LOC128462377: variants seen among roughly 807,000 people sequenced by gnomAD.
the LOC128462377 span, among the ~76,000 whole-genome samples, chr16:89,404,984 A>G: frequency 6.6e-6 from 1 of 152,206 alleles, no homozygotes; most frequent in East Asian, 1.9e-4. Context: ...TAAAACTGAA[A>G]TCAGACTTCC....
the LOC128462377 span, among the ~76,000 whole-genome samples, chr16:89,355,374 G>T: frequency 6.6e-6 from 1 of 152,178 alleles, no homozygotes; most frequent in South Asian, 2.1e-4. Context: ...GAGGACGATG[G>T]CAGAACAGAA....
At chr16:89,384,598 A>G in the LOC128462377 span, among the ~76,000 whole-genome samples, 3,140 of 152,166 alleles carry the variant, frequency 0.021, 123 homozygotes, top group African/African-American at 0.072. Flanking sequence ...GGCAGGACAG[A>G]GCAGGGCAGC....
chr16:89,329,552 G>T, the LOC128462377 span, among the ~76,000 whole-genome samples: 1 of 152,110 alleles, frequency 6.6e-6, no homozygotes, highest in Non-Finnish European at 1.5e-5. Flanking sequence ...TATGTCAATT[G>T]TAATTCAATA....
the LOC128462377 span, among the ~76,000 whole-genome samples, chr16:89,331,827 TG>T: frequency 1.3e-5 from 2 of 152,316 alleles, no homozygotes; most frequent in South Asian, 4.1e-4. Context: ...GATACGGTGA[TG>T]GTTTTGAATG....
At chr16:89,390,809 G>C in the LOC128462377 span, among the ~76,000 whole-genome samples, 4 of 152,182 alleles carry the variant, frequency 2.6e-5, no homozygotes, top group Non-Finnish European at 5.9e-5. Context: ...GGTTCCTGGA[G>C]CTCTGCGCTG....
At chr16:89,407,874 G>C in the LOC128462377 span, among the ~76,000 whole-genome samples, 1 of 138,520 alleles carries the variant, frequency 7.2e-6, no homozygotes, top group East Asian at 2.1e-4. Context: ...AAAAAAAAAA[G>C]AAGAAGAAGA....
the LOC128462377 span, among the ~76,000 whole-genome samples, chr16:89,397,333 C>G: frequency 6.6e-6 from 1 of 152,234 alleles, no homozygotes; most frequent in Non-Finnish European, 1.5e-5. Context: ...ACGGATTCCA[C>G]CGTAAGTGCT....
the LOC128462377 span, among the ~76,000 whole-genome samples, chr16:89,338,757 G>C: frequency 6.8e-6 from 1 of 147,508 alleles, no homozygotes; most frequent in Admixed American, 6.8e-5. Flanking sequence ...AAAAGAGCGA[G>C]CTTTTGTAGA....
At chr16:89,323,404 CAGGGCAGGGGGGCTGAGCCG>C in the LOC128462377 span, 465 of 1,209,994 alleles carry the variant, frequency 3.8e-4, 3 homozygotes, top group African/African-American at 4.7e-3. Flanking sequence ...GCAAGCAGCC[CAGGGCAGGGGGGCTGAGCCG>C]AGGGCAGGGG....
the LOC128462377 span, among the ~76,000 whole-genome samples, chr16:89,338,865 C>A: frequency 6.6e-6 from 1 of 151,870 alleles, no homozygotes; most frequent in Non-Finnish European, 1.5e-5. Flanking sequence ...AAAGGTTTGC[C>A]AAATGAATAC....
At chr16:89,334,991 G>A in the LOC128462377 span, among the ~76,000 whole-genome samples, 18 of 152,090 alleles carry the variant, frequency 1.2e-4, no homozygotes, top group Admixed American at 1.1e-3. Flanking sequence ...GATCCCACAG[G>A]TACATGTGAC....
At chr16:89,377,146 G>A in the LOC128462377 span, among the ~76,000 whole-genome samples, 2 of 152,294 alleles carry the variant, frequency 1.3e-5, no homozygotes, top group African/African-American at 4.8e-5. Context: ...TTCAACAGCA[G>A]AGGCGTCAAC....
chr16:89,399,566 G>C, the LOC128462377 span, among the ~76,000 whole-genome samples: 1 of 152,154 alleles, frequency 6.6e-6, no homozygotes, highest in African/African-American at 2.4e-5. Flanking sequence ...AAACTACTCT[G>C]TATGATACCA....
the LOC128462377 span, among the ~76,000 whole-genome samples, chr16:89,354,184 C>A: frequency 6.7e-6 from 1 of 150,188 alleles, no homozygotes; most frequent in Non-Finnish European, 1.5e-5. Flanking sequence ...CCATTCAAAT[C>A]TTCCAAGGCA....
At chr16:89,386,507 G>A in the LOC128462377 span, among the ~76,000 whole-genome samples, 2 of 152,320 alleles carry the variant, frequency 1.3e-5, no homozygotes, top group East Asian at 3.9e-4. Flanking sequence ...CAGCATGAGG[G>A]TGTGGGGGAA....
chr16:89,395,107 G>A, the LOC128462377 span, among the ~76,000 whole-genome samples: 1 of 152,238 alleles, frequency 6.6e-6, no homozygotes, highest in African/African-American at 2.4e-5. Context: ...CTGAAGCACA[G>A]GACAAGATGA....
chr16:89,411,362 G>T, the LOC128462377 span, among the ~76,000 whole-genome samples: 1 of 152,262 alleles, frequency 6.6e-6, no homozygotes, highest in Non-Finnish European at 1.5e-5. Flanking sequence ...AAGAGGAGCA[G>T]GCTGCCCTGG....
chr16:89,401,795 C>T, the LOC128462377 span, among the ~76,000 whole-genome samples: 1 of 152,304 alleles, frequency 6.6e-6, no homozygotes, highest in South Asian at 2.1e-4. Flanking sequence ...GCAGGGAGAA[C>T]GCTGGGTGAA....
chr16:89,368,663 T>C, the LOC128462377 span, among the ~76,000 whole-genome samples: 7,455 of 149,832 alleles, frequency 0.05, 432 homozygotes, highest in East Asian at 0.24. Flanking sequence ...ATCCCAACAT[T>C]TTGGGAGGCT....
Sources: gnomAD v4.1 joint callset for allele counts (sites outside exome capture counted in the v4.1 genomes callset) on GRCh38, gnomAD v4.1.1 for gene constraint, MANE v1.5 for transcripts.